Variants in RAB3C observed in about 807,000 individuals in gnomAD.
RAB3C encodes the protein RAB3C, member RAS oncogene family.
RAB3C carries 17 observed loss-of-function variants against 26.4 expected under a neutral mutation model. That is an observed-to-expected ratio of 0.64 (90% CI 0.44 to 0.97). RAB3C has a LOEUF of 0.97. Ranked by LOEUF, RAB3C falls within the 50% of genes least tolerant of loss-of-function variation. The pLI is 0.00. For missense variants in RAB3C, 242 were observed against 281.9 expected (o/e 0.86, Z 1.01); for synonymous variants, 91 against 95.9 (o/e 0.95, Z 0.30).
intron 3 of RAB3C, among the ~76,000 whole-genome samples, chr5:58,731,403 A>G (rs1045244048): frequency 1.9e-4 from 29 of 152,182 alleles, no homozygotes; most frequent in African/African-American, 6.8e-4. Context: ...GAGAAACTCA[A>G]CATAAAAAAA....
chr5:58,594,693 A>C (rs1561259044), intron 1 of RAB3C, among the ~76,000 whole-genome samples: 1 of 152,136 alleles, frequency 6.6e-6, no homozygotes, highest in Non-Finnish European at 1.5e-5. Flanking sequence ...GAGGCAAGAT[A>C]TCAAGATCTA....
chr5:58,655,103 C>A (rs1049732038), intron 2 of RAB3C, among the ~76,000 whole-genome samples: 2 of 152,200 alleles, frequency 1.3e-5, no homozygotes, highest in Non-Finnish European at 2.9e-5. Context: ...GCTAAATACA[C>A]AGCTTTGCTC....
At position 58,851,203 on chromosome 5, in the gene RAB3C, A is replaced by C; in HGVS notation, c.536A>C (p.Asn179Thr). ...GAAACAAGTGCCAAGGACAACATTA[A>C]TGTCAAGCAGACATTTGAGCGCCTT... ...FFETSAKDNINVKQTFERLVD... is the reference protein window; with the variant it reads ...FFETSAKDNITVKQTFERLVD... The change falls in exon 5 of 5, where the codon AAT becomes ACT. Residue 179 changes from asparagine (N) to threonine (T), a missense_variant. By Grantham distance (65) the Asn-to-Thr change is moderately conservative (BLOSUM62 0). Transcript: ENST00000282878. The C allele has an allele frequency of 6.2e-7, 1 of 1,611,830 alleles. No individual in the cohort carries two copies. Among genetic ancestry groups the C allele is most frequent in the Non-Finnish European group, 8.5e-7 (1 of 1,179,386 alleles).
chr5:58,829,176 T>G (rs150280757), intron 4 of RAB3C, among the ~76,000 whole-genome samples: 4,629 of 152,150 alleles, frequency 0.03, 236 homozygotes, highest in African/African-American at 0.11. Context: ...GTGCTGAGAT[T>G]ACAGGTGTGA....
chr5:58,783,577 ACTTT>A (rs1742315446), intron 3 of RAB3C, among the ~76,000 whole-genome samples: 1 of 152,114 alleles, frequency 6.6e-6, no homozygotes, highest in Admixed American at 6.6e-5. Flanking sequence ...TAGTTGTCTC[ACTTT>A]GCACCGAGGG....
chr5:58,664,664 A>G (rs577654632), intron 2 of RAB3C, among the ~76,000 whole-genome samples: 3 of 152,136 alleles, frequency 2.0e-5, no homozygotes, highest in Non-Finnish European at 4.4e-5. Context: ...TCTTTATATC[A>G]TTTCTTAAAA....
chr5:58,827,876 G>C (rs554687359), intron 4 of RAB3C, among the ~76,000 whole-genome samples: 1 of 152,136 alleles, frequency 6.6e-6, no homozygotes, highest in East Asian at 1.9e-4. Context: ...AAAGGTCTTT[G>C]CTTTGTTTTT....
In RAB3C at chr5:58,852,528, C is replaced by T. The variant is rs1475736685; in HGVS notation, c.*1177C>T. 6.6e-6 allele frequency: 1 copy of T among 152,118 alleles called. No individual in the cohort carries two copies. Among genetic ancestry groups the T allele is most frequent in the African/African-American group, 2.4e-5 (1 of 41,432 alleles). The allele number at this position is 152,118 out of a possible 1,614,324, so 9.4% of individuals were successfully genotyped here. A position where few individuals can be genotyped will look rare whatever the true frequency, so the allele number is the denominator to read the frequency against. ...TAAATTCTAAAGCATATTCCTATTA[C>T]GTGAATGCTTAAGTTACACAGGAAA... On this transcript the variant is annotated 3_prime_UTR_variant, in exon 5 of 5. Coordinates refer to ENST00000282878, the MANE Select transcript of RAB3C (RefSeq NM_138453.4).
intron 3 of RAB3C, among the ~76,000 whole-genome samples, chr5:58,779,298 G>T (rs1193694837): frequency 2.0e-5 from 3 of 150,468 alleles, no homozygotes; most frequent in Non-Finnish European, 4.4e-5. Context: ...TTTCAAGAAT[G>T]AACTCATTAT....
chr5:58,719,385 T>C (rs1414186717), intron 2 of RAB3C, among the ~76,000 whole-genome samples: 1 of 152,038 alleles, frequency 6.6e-6, no homozygotes, highest in Non-Finnish European at 1.5e-5. Flanking sequence ...AGACTATGTC[T>C]GACTTCTCCA....
intron 2 of RAB3C, among the ~76,000 whole-genome samples, chr5:58,703,437 C>T (rs1748887283): frequency 6.6e-6 from 1 of 152,166 alleles, no homozygotes; most frequent in Non-Finnish European, 1.5e-5. Context: ...CTGCCTTGGC[C>T]TCCCAAAGCG....
intron 3 of RAB3C, among the ~76,000 whole-genome samples, chr5:58,728,099 C>G (rs1740928992): frequency 6.6e-6 from 1 of 152,034 alleles, no homozygotes; most frequent in South Asian, 2.1e-4. Flanking sequence ...CAAAAACCAA[C>G]AAAAGCCTGT....
chr5:58,672,291 G>A (rs1305903166), intron 2 of RAB3C, among the ~76,000 whole-genome samples: 1 of 152,118 alleles, frequency 6.6e-6, no homozygotes, highest in Non-Finnish European at 1.5e-5. Flanking sequence ...AGACAAACAC[G>A]GGAACCACTG....
chr5:58,777,855 TG>T (rs1451071186), intron 3 of RAB3C, among the ~76,000 whole-genome samples: 1 of 152,042 alleles, frequency 6.6e-6, no homozygotes, highest in Non-Finnish European at 1.5e-5. Flanking sequence ...TTTGGTTTTT[TG>T]TCCTTGCGAT....
chr5:58,583,249 A>T lies in RAB3C; in HGVS notation c.24+17A>T, dbSNP rs759206368. ...CCCATGCAGGTGGGTCCATAAAGAA[A>T]GAGTGGCCTCGGGAGGAATTGAAAG... is the stretch of plus-strand genomic sequence containing the variant. On this transcript the variant is annotated intron_variant, in intron 1 of 4. Coordinates refer to ENST00000282878, the MANE Select transcript of RAB3C (RefSeq NM_138453.4). 1 of 1,614,194 alleles carries T rather than the reference A, an allele frequency of 6.2e-7. No homozygotes were observed. Among genetic ancestry groups the T allele is most frequent in the Admixed American group, 1.7e-5 (1 of 60,018 alleles).
intron 1 of RAB3C, among the ~76,000 whole-genome samples, chr5:58,616,131 G>T (rs1746821138): frequency 6.6e-6 from 1 of 152,066 alleles, no homozygotes; most frequent in South Asian, 2.1e-4. Flanking sequence ...AGAGAAACAA[G>T]TAACTATTAA....
intron 1 of RAB3C, among the ~76,000 whole-genome samples, chr5:58,605,464 C>G (rs1746539906): frequency 6.6e-6 from 1 of 152,132 alleles, no homozygotes. Flanking sequence ...TAAAAATCAA[C>G]AACTCTTCTT....
At chr5:58,723,367 C>A (rs910024933) in intron 2 of RAB3C, among the ~76,000 whole-genome samples, 1 of 151,724 alleles carries the variant, frequency 6.6e-6, no homozygotes, top group South Asian at 2.1e-4. Flanking sequence ...ATCAGGCCAG[C>A]CTTACCCCTG....
chr5:58,590,532 C>CTTAT (rs34521886), intron 1 of RAB3C, among the ~76,000 whole-genome samples: 12,960 of 151,380 alleles, frequency 0.086, 716 homozygotes, highest in Non-Finnish European at 0.13. Flanking sequence ...ATTTGGTTCA[C>CTTAT]TTATTTATTT....
Sources: gnomAD v4.1 joint callset for allele counts (sites outside exome capture counted in the v4.1 genomes callset) on GRCh38, gnomAD v4.1.1 for gene constraint, MANE v1.5 for transcripts, NCBI Gene and HGNC (gene_info 2026-07-23, HGNC 2026-07-21) for gene names.